Variants in OXNAD1 observed in about 807,000 individuals in gnomAD.
OXNAD1 encodes oxidoreductase NAD binding domain containing 1, also known as oxidoreductase NAD-binding domain-containing protein 1.
Under a neutral mutation model 32.9 loss-of-function variants are expected in OXNAD1, and 34 were observed. That is an observed-to-expected ratio of 1.03 (90% confidence interval 0.79 to 1.38). The LOEUF (loss-of-function observed/expected upper bound fraction) is 1.38, where lower values mean the gene tolerates loss of function less well. Ranked by LOEUF, OXNAD1 falls within the 40% of genes most tolerant of loss-of-function variation. OXNAD1 has a pLI of 0.00. For synonymous variants in OXNAD1, 134 were observed against 135.2 expected (o/e 0.99, Z 0.06); for missense variants, 407 against 379.4 (o/e 1.07, Z -0.60).
intron 9 of OXNAD1, among the ~76,000 whole-genome samples, chr3:16,332,075 G>A (rs1401939311): frequency 6.6e-6 from 1 of 151,882 alleles, no homozygotes; most frequent in African/African-American, 2.4e-5. Context: ...GGAATTTCAT[G>A]ACAATGTGCT....
intron 9 of OXNAD1, among the ~76,000 whole-genome samples, chr3:16,325,726 C>A (rs2069624297): frequency 6.6e-6 from 1 of 152,150 alleles, no homozygotes; most frequent in Non-Finnish European, 1.5e-5. Context: ...GGTGCACTGA[C>A]CCACTGTGAC....
chr3:16,295,456 T>G (rs931379012), intron 6 of OXNAD1, among the ~76,000 whole-genome samples: 9 of 152,180 alleles, frequency 5.9e-5, no homozygotes, highest in African/African-American at 2.2e-4. Context: ...CCTCTCTATT[T>G]CAGTGTCTGG....
chr3:16,276,467 G>T, intron 4 of OXNAD1: 1 of 196,654 alleles, frequency 5.1e-6, no homozygotes. Flanking sequence ...GGAGTGAAAT[G>T]GTCACTACAT....
chr3:16,341,232 A>G (rs2071298579), downstream of OXNAD1, among the ~76,000 whole-genome samples: 1 of 152,268 alleles, frequency 6.6e-6, no homozygotes, highest in Non-Finnish European at 1.5e-5. The surrounding 1 kb of genome is among the most constrained non-coding windows in gnomAD (Gnocchi z 4.7). Flanking sequence ...CAGCCACTAC[A>G]GAAGACAGTT....
At position 16,348,953 on chromosome 3, in the gene OXNAD1, CTAAAAGAGG is replaced by C. The variant is rs1358131757; in HGVS notation, c.*31-213_*31-205del. ...GGAGGAGGCAGAGGGAAAATTCTGG[CTAAAAGAGG>C]TAAAAGAGGGACAGACAGCCATCCC... is the stretch of plus-strand genomic sequence containing the variant. On this transcript the variant is annotated intron_variant, in intron 9 of 9. Transcript: ENST00000606098. The surrounding 1 kb of genome is among the most constrained non-coding windows in gnomAD (Gnocchi z 6.3). 6.6e-6 allele frequency among the ~76,000 whole-genome samples: 1 copy of C among 152,148 alleles called. No homozygotes were observed. The highest frequency in any genetic ancestry group is 2.4e-5 in the African/African-American group (1 of 41,422).
At position 16,294,842 on chromosome 3, in the gene OXNAD1, G is replaced by T; in HGVS notation, c.291-14G>T. On this transcript the variant is annotated splice_polypyrimidine_tract_variant and intron_variant, in intron 5 of 8. Transcript: ENST00000285083. ...TTGCTTCAACAATAATCATTTATTT[G>T]GCTTTCTTTTTAGGGTTGATTTCTT... The T allele has an allele frequency of 7.0e-6, 11 of 1,578,912 alleles. No homozygotes were observed. The highest frequency in any genetic ancestry group is 3.6e-5 in the Admixed American group (2 of 55,898).
downstream of OXNAD1, among the ~76,000 whole-genome samples, chr3:16,351,786 T>C (rs1048059410): frequency 1.3e-5 from 2 of 152,192 alleles, no homozygotes; most frequent in Non-Finnish European, 2.9e-5. This position sits in a 1 kb window ranked among gnomAD's most constrained non-coding sequence, Gnocchi z 5.4. Flanking sequence ...AAAAACTAAG[T>C]TGAATTCCTT....
chr3:16,290,819 A>T lies in OXNAD1; in HGVS notation c.291-4037A>T, dbSNP rs975023292. 1.3e-5 allele frequency among the ~76,000 whole-genome samples: 2 copies of T among 152,146 alleles called. No homozygotes were observed. Among genetic ancestry groups the T allele is most frequent in the Non-Finnish European group, 2.9e-5 (2 of 68,024 alleles). ...GTAAGGCCATAGACTGCAGGAGAAT[A>T]TTTTTTTAAGGTCATAGATCAGATT... On this transcript the variant is annotated intron_variant, in intron 5 of 8. Coordinates refer to ENST00000285083, the MANE Select transcript of OXNAD1 (RefSeq NM_138381.5). The surrounding 1 kb of genome is among the most constrained non-coding windows in gnomAD (Gnocchi z 4.2).
Position 16,302,838 on chromosome 3 carries a change from G to A in OXNAD1, c.784+90G>A. On this transcript the variant is annotated intron_variant, in intron 8 of 8. Coordinates refer to ENST00000285083, the MANE Select transcript of OXNAD1 (RefSeq NM_138381.5). The surrounding 1 kb of genome is among the most constrained non-coding windows in gnomAD (Gnocchi z 4.2). ...GAGCGTAGATGCTTTATTGTTGGAA[G>A]CTGCTGGCTGGGAATGTCACTATCT... 2 of 952,996 alleles carry A rather than the reference G, an allele frequency of 2.1e-6. No homozygotes were observed. Among genetic ancestry groups the A allele is most frequent in the Admixed American group, 2.4e-5 (1 of 41,534 alleles). 59.0% of individuals were successfully genotyped at this position (952,996 alleles called of 1,614,324 possible).
Position 16,327,715 on chromosome 3 carries a change from G to A in OXNAD1, c.*31-9397G>A, listed in dbSNP as rs189949281. ...GGTGGAGCTTGCAGTGAGCTGAGAT[G>A]GCACCACTGCACTCCAGCCTGGGTG... On this transcript the variant is annotated intron_variant, in intron 9 of 9. Coordinates refer to the OXNAD1 transcript ENST00000435829. This position sits in a 1 kb window ranked among gnomAD's most constrained non-coding sequence, Gnocchi z 4.2. Among the ~76,000 whole-genome samples, 99 of 151,948 alleles carry A rather than the reference G, an allele frequency of 6.5e-4. 5 individuals are homozygous for A. The East Asian group carries it at 0.019, about 29-fold the overall frequency.
chr3:16,344,267 G>GGA lies in OXNAD1; in HGVS notation c.*31-4908_*31-4907insAG, dbSNP rs1275949045. 4.6e-5 allele frequency among the ~76,000 whole-genome samples: 7 copies of GGA among 151,966 alleles called. No homozygotes were observed. The highest frequency in any genetic ancestry group is 3.4e-3 in the Middle Eastern group (1 of 290). ...ATACTAAGAAGTAACAGATTGGAAGGGGTTTAAGAAGTCAGGGAAACCTAC... is the reference window on the plus strand; with the variant it reads ...ATACTAAGAAGTAACAGATTGGAAGGGAGGTTTAAGAAGTCAGGGAAACCTAC... On this transcript the variant is annotated intron_variant, in intron 9 of 9. Transcript: ENST00000606098. The surrounding 1 kb of genome is among the most constrained non-coding windows in gnomAD (Gnocchi z 4.4).
rs746033921 is a variant in OXNAD1 at position 16,294,971 on chromosome 3, C to T, written c.406C>T (p.Pro136Ser). The change falls in exon 6 of 9, where the codon CCT becomes TCT. Residue 136 changes from proline to serine, a missense_variant. Pro to Ser is a moderately conservative substitution (Grantham distance 74, BLOSUM62 -1). Coordinates refer to ENST00000285083, the MANE Select transcript of OXNAD1 (RefSeq NM_138381.5). ...ATTGGCAGTGAAATATACGAACCACCCTCCTGCCCTCTGGGTTCACAATAC... is the reference window on the plus strand; with the variant it reads ...ATTGGCAGTGAAATATACGAACCACTCTCCTGCCCTCTGGGTTCACAATAC... Reference protein sequence around the residue: ...IELAVKYTNHPPALWVHNTCT... With the variant: ...IELAVKYTNHSPALWVHNTCT... 6.2e-7 allele frequency: 1 copy of T among 1,612,628 alleles called. No individual in the cohort carries two copies. The highest frequency in any genetic ancestry group is 2.2e-5 in the East Asian group (1 of 44,802).
rs1053965635 is a variant in OXNAD1 at position 16,320,420 on chromosome 3, G to T, written c.*31-16692G>T. Among the ~76,000 whole-genome samples the T allele has an allele frequency of 6.6e-6, 1 of 152,140 alleles. No individual in the cohort carries two copies. The highest frequency in any genetic ancestry group is 1.9e-4 in the East Asian group (1 of 5,198). On this transcript the variant is annotated intron_variant, in intron 9 of 9. Coordinates refer to the OXNAD1 transcript ENST00000435829. This position sits in a 1 kb window ranked among gnomAD's most constrained non-coding sequence, Gnocchi z 4.5. ...TGCTAGACATACTATGTGTGTCCTCGCTAAGAAGCTGATTACTCATTCATT... is the reference window on the plus strand; with the variant it reads ...TGCTAGACATACTATGTGTGTCCTCTCTAAGAAGCTGATTACTCATTCATT...
chr3:16,291,106 T>A (rs842271), intron 5 of OXNAD1, among the ~76,000 whole-genome samples: 98,359 of 152,042 alleles, frequency 0.65, 32,830 homozygotes, highest in African/African-American at 0.82. Context: ...ACCCAGGAGT[T>A]CTAGACTACA....
rs1337872908 is a variant in OXNAD1, at chr3:16,301,335, A to G, written c.433-291A>G. 3.9e-5 allele frequency among the ~76,000 whole-genome samples: 6 copies of G among 152,198 alleles called. No homozygotes were observed. The highest frequency in any genetic ancestry group is 3.9e-4 in the Admixed American group (6 of 15,284). The stretch of plus-strand genomic sequence containing the variant: ...TTTGAGTCCATTGCCTCTTTCCTCA[A>G]TCCAGTTCATCGCCTAAGAAGTTAA... On this transcript the variant is annotated intron_variant, in intron 6 of 8. Transcript: ENST00000285083. The surrounding 1 kb of genome is among the most constrained non-coding windows in gnomAD (Gnocchi z 4.1).
chr3:16,342,575 A>C lies in OXNAD1; in HGVS notation c.*31-6601A>C, dbSNP rs1409108780. On this transcript the variant is annotated intron_variant, in intron 9 of 9. Coordinates refer to the OXNAD1 transcript ENST00000606098. The surrounding 1 kb of genome is among the most constrained non-coding windows in gnomAD (Gnocchi z 4.0). ...GGAATTGCTGGGTCATATGGTAACT[A>C]TGTTTAACATTTTGGGAAAGTGTCC... 6.6e-6 allele frequency among the ~76,000 whole-genome samples: 1 copy of C among 152,192 alleles called. No homozygotes were observed. Among genetic ancestry groups the C allele is most frequent in the East Asian group, 1.9e-4 (1 of 5,204 alleles).
chr3:16,276,450 A>G (rs1237398405), intron 4 of OXNAD1: 1 of 203,370 alleles, frequency 4.9e-6, no homozygotes, highest in Non-Finnish European at 9.9e-6. Context: ...TGATGTCAAG[A>G]GAGTCAGGAG....
Position 16,302,977 on chromosome 3 carries a change from C to T in OXNAD1, c.784+229C>T, listed in dbSNP as rs922976399. On this transcript the variant is annotated intron_variant, in intron 8 of 8. Transcript: ENST00000285083. This position sits in a 1 kb window ranked among gnomAD's most constrained non-coding sequence, Gnocchi z 4.2. ...TGTACTTTTCACACTTTTTAAGAGG[C>T]CTTTGCATCATCACTGTAGTGTCCA... is the stretch of plus-strand genomic sequence containing the variant. 6.6e-6 allele frequency among the ~76,000 whole-genome samples: 1 copy of T among 152,158 alleles called. No individual in the cohort carries two copies. Among genetic ancestry groups the T allele is most frequent in the African/African-American group, 2.4e-5 (1 of 41,426 alleles).
At chr3:16,274,500 T>C (rs1427552390) in intron 4 of OXNAD1, among the ~76,000 whole-genome samples, 3 of 152,200 alleles carry the variant, frequency 2.0e-5, no homozygotes, top group South Asian at 4.1e-4. Flanking sequence ...ATTCAGTAAA[T>C]ACTGAGGATA....
Sources: gnomAD v4.1 joint callset for allele counts (sites outside exome capture counted in the v4.1 genomes callset) on GRCh38, gnomAD v4.1.1 for gene constraint, Gnocchi (gnomAD v3.1) non-coding constraint, MANE v1.5 for transcripts, NCBI Gene and HGNC (gene_info 2026-07-23, HGNC 2026-07-21) for gene names.